FHIT: variants seen among roughly 807,000 people sequenced by gnomAD.
FHIT encodes the protein bis(5'-adenosyl)-triphosphatase.
FHIT carries 19 observed loss-of-function variants against 17.9 expected under a neutral mutation model. That is an observed-to-expected ratio of 1.06 (90% CI 0.74 to 1.56). The LOEUF (loss-of-function observed/expected upper bound fraction) is 1.56, where lower values mean the gene tolerates loss of function less well. Ranked by LOEUF, FHIT falls within the 40% of genes most tolerant of loss-of-function variation. The pLI, the probability that FHIT is intolerant of heterozygous loss-of-function variation, is 0.00. For missense variants in FHIT, 248 were observed against 189.2 expected, an observed-to-expected ratio of 1.31 and a Z score of -1.82; for synonymous variants, 81 against 69.7, an observed-to-expected ratio of 1.16 and a Z score of -0.81.
chr3:59,835,588 C>T (rs1701312486), intron 8 of FHIT, among the ~76,000 whole-genome samples: 1 of 152,114 alleles, frequency 6.6e-6, no homozygotes, highest in Non-Finnish European at 1.5e-5. Context: ...AGACTGGGTC[C>T]TGACCTACCA....
chr3:60,811,854 G>T (rs1314294997), intron 4 of FHIT, among the ~76,000 whole-genome samples: 1 of 152,116 alleles, frequency 6.6e-6, no homozygotes, highest in Admixed American at 6.5e-5. Flanking sequence ...TCATTGTAAA[G>T]ATTTAGAGAG....
At chr3:60,994,613 G>A (rs2107589947) in intron 3 of FHIT, among the ~76,000 whole-genome samples, 1 of 152,286 alleles carries the variant, frequency 6.6e-6, no homozygotes, top group South Asian at 2.1e-4. Context: ...AGTACTTAAA[G>A]CAACATTGGG....
chr3:59,755,982 G>C (rs1349020), intron 8 of FHIT, among the ~76,000 whole-genome samples: 51,619 of 151,982 alleles, frequency 0.34, 9,577 homozygotes, highest in South Asian at 0.5. Flanking sequence ...TTTCCCCTTT[G>C]TAAAATGGGA....
rs575787997 is a variant in FHIT at position 59,920,698 on chromosome 3, C to T, written c.348+1648G>A. ...GTGCTAATTTATTCATTAAAACAGT[C>T]GTATTTGGCAACATTAACCTTAGTT... On this transcript the variant is annotated intron_variant, in intron 8 of 9. Coordinates refer to ENST00000492590, the MANE Select transcript of FHIT (RefSeq NM_002012.4). 7.9e-4 allele frequency among the ~76,000 whole-genome samples: 121 copies of T among 152,258 alleles called. 5 individuals are homozygous for T. The South Asian group carries it at 0.025, about 31-fold the overall frequency.
chr3:60,732,170 T>C, intron 4 of FHIT: 2 of 782,976 alleles, frequency 2.6e-6, no homozygotes, highest in African/African-American at 1.7e-5. Context: ...CAGTCAGCAA[T>C]GGTGATCTTC....
rs187283854 is a variant in FHIT at position 59,748,776 on chromosome 3, G to C, written c.*809C>G. Among the ~76,000 whole-genome samples the C allele has an allele frequency of 6.8e-6, 1 of 146,928 alleles. No individual in the cohort carries two copies. The highest frequency in any genetic ancestry group is 6.8e-5 in the Admixed American group (1 of 14,678). On this transcript the variant is annotated 3_prime_UTR_variant, in exon 10 of 10. Coordinates refer to ENST00000492590, the MANE Select transcript of FHIT (RefSeq NM_002012.4). ...TCAAATCTGAGCTTTGCCACTTACCGTTGGCCTTGAACTAATAATACTTAA... is the reference window on the plus strand; with the variant it reads ...TCAAATCTGAGCTTTGCCACTTACCCTTGGCCTTGAACTAATAATACTTAA...
intron 3 of FHIT, among the ~76,000 whole-genome samples, chr3:60,865,402 T>C (rs1195528508): frequency 1.3e-5 from 2 of 152,306 alleles, no homozygotes; most frequent in African/African-American, 2.4e-5. Flanking sequence ...GACATGTCCA[T>C]TGTTGCAGGA....
At chr3:61,010,277 G>A (rs1016014965) in intron 3 of FHIT, among the ~76,000 whole-genome samples, 1 of 151,392 alleles carries the variant, frequency 6.6e-6, no homozygotes, top group Non-Finnish European at 1.5e-5. Flanking sequence ...GTATCAAACT[G>A]TAAATACATT....
At chr3:60,809,021 T>A (rs1292029744) in intron 4 of FHIT, among the ~76,000 whole-genome samples, 2 of 152,244 alleles carry the variant, frequency 1.3e-5, no homozygotes, top group African/African-American at 2.4e-5. Context: ...TATGTATAAT[T>A]TGGTTAATTT....
In FHIT at chr3:59,996,083, AAAAAC is replaced by A. The variant is rs143414353; in HGVS notation, c.279+15283_279+15287del. Among the ~76,000 whole-genome samples, 615 of 152,180 alleles carry A rather than the reference AAAAAC, an allele frequency of 4.0e-3. 4 individuals carry two copies. The highest frequency in any genetic ancestry group is 0.014 in the African/African-American group (565 of 41,544). ...AAGTGGGCATGTAGTAGGTTCTCAA[AAAAAC>A]AAAACAAAACTGGTGAATAAAGACG... On this transcript the variant is annotated intron_variant, in intron 7 of 9. Transcript: ENST00000492590.
intron 5 of FHIT, among the ~76,000 whole-genome samples, chr3:60,153,365 A>G (rs919193007): frequency 2.5e-4 from 3 of 12,150 alleles, no homozygotes; most frequent in East Asian, 1.2e-3. Flanking sequence ...AATTCACCAG[A>G]AAAAAAAAAA....
chr3:60,370,582 T>C (rs1700286302), intron 5 of FHIT, among the ~76,000 whole-genome samples: 1 of 152,232 alleles, frequency 6.6e-6, no homozygotes, highest in South Asian at 2.1e-4. Flanking sequence ...ATCTGCATTC[T>C]GGCTGCACTA....
intron 5 of FHIT, among the ~76,000 whole-genome samples, chr3:60,232,619 C>T (rs778632182): frequency 3.9e-5 from 6 of 152,138 alleles, no homozygotes; most frequent in Non-Finnish European, 8.8e-5. Flanking sequence ...GCTGGGTTTC[C>T]TGGGCCAGAC....
chr3:60,688,196 T>C (rs2040903072), intron 4 of FHIT, among the ~76,000 whole-genome samples: 1 of 152,194 alleles, frequency 6.6e-6, no homozygotes, highest in African/African-American at 2.4e-5. Context: ...TTATATTTCC[T>C]CTTTTCAACA....
intron 3 of FHIT, among the ~76,000 whole-genome samples, chr3:60,936,069 G>A (rs1173695551): frequency 6.6e-6 from 1 of 152,112 alleles, no homozygotes; most frequent in Non-Finnish European, 1.5e-5. Context: ...GAACATGAAA[G>A]TCAGTCAATC....
intron 1 of FHIT, among the ~76,000 whole-genome samples, chr3:61,214,111 G>A (rs1453311114): frequency 6.6e-6 from 1 of 152,086 alleles, no homozygotes; most frequent in Non-Finnish European, 1.5e-5. Flanking sequence ...AAAAGCAAGA[G>A]CAAACGCATT....
intron 4 of FHIT, among the ~76,000 whole-genome samples, chr3:60,720,414 G>T (rs971916580): frequency 1.3e-5 from 2 of 152,156 alleles, no homozygotes; most frequent in South Asian, 4.2e-4. Context: ...TCATTCATAT[G>T]GTTATTGTGA....
At chr3:60,659,611 G>A (rs780364077) in intron 4 of FHIT, among the ~76,000 whole-genome samples, 10 of 151,900 alleles carry the variant, frequency 6.6e-5, no homozygotes, top group Non-Finnish European at 8.8e-5. Context: ...AAAATTTCTC[G>A]TTCTATTTTT....
At chr3:60,948,644 C>A (rs191696753) in intron 3 of FHIT, among the ~76,000 whole-genome samples, 2 of 152,132 alleles carry the variant, frequency 1.3e-5, no homozygotes, top group Non-Finnish European at 2.9e-5. Context: ...GAATGAAGAG[C>A]AGCAGAAACT....
Sources: allele counts gnomAD v4.1 joint callset (sites outside exome capture counted in the v4.1 genomes callset), GRCh38; gene constraint gnomAD v4.1.1; transcripts MANE v1.5; gene names NCBI Gene and HGNC (gene_info 2026-07-23, HGNC 2026-07-21).